The following TNS1 variants were observed in gnomAD, a reference collection of about 807,000 sequenced individuals.
TNS1 encodes the protein tensin-1.
A neutral mutation model predicts 168.6 loss-of-function variants in TNS1; 62 were observed. The ratio of observed to expected loss-of-function variants is 0.37; its 90% CI spans 0.30 to 0.45. The LOEUF (loss-of-function observed/expected upper bound fraction) is 0.45, where lower values mean the gene tolerates loss of function less well. TNS1 is among the 20% of genes least tolerant of loss of function. The pLI is 1.00. For missense variants in TNS1, 2,240 were observed against 2,339.4 expected, an observed-to-expected ratio of 0.96 and a Z score of 0.88; for synonymous variants, 934 against 933.2, an observed-to-expected ratio of 1.00 and a Z score of -0.02.
At chr2:218,023,884 G>A (rs1285140374) in intron 1 of TNS1, among the ~76,000 whole-genome samples, 3 of 151,574 alleles carry the variant, frequency 2.0e-5, no homozygotes, top group African/African-American at 7.3e-5. Flanking sequence ...TTCTGAAACA[G>A]CCCCCTCCCC....
chr2:217,983,313 G>A (rs2126063264), intron 2 of TNS1, among the ~76,000 whole-genome samples: 1 of 152,126 alleles, frequency 6.6e-6, no homozygotes, highest in East Asian at 1.9e-4. Context: ...TACTACAGAA[G>A]GCCCCGAAAT....
rs189917733 is a variant in TNS1, at chr2:217,850,208, G to A, written c.1430-1121C>T. The A allele has an allele frequency of 3.0e-5, 30 of 985,378 alleles. No homozygotes were observed. The African/African-American group carries it at 5.1e-4, about 17-fold the overall frequency. 61.0% of individuals were successfully genotyped at this position (985,378 alleles called of 1,614,324 possible). A position where few individuals can be genotyped will look rare whatever the true frequency, so the allele number is the denominator to read the frequency against. On this transcript the variant is annotated intron_variant, in intron 18 of 32. Coordinates refer to ENST00000682258, the MANE Select transcript of TNS1 (RefSeq NM_001387777.1). Reference sequence around the variant, plus strand: ...CCCACTGCTCTGAGCCAGCCCGGGGGCCCCTGAAGAACAGGCCAAGGTGGG... The same window carrying A: ...CCCACTGCTCTGAGCCAGCCCGGGGACCCCTGAAGAACAGGCCAAGGTGGG...
At chr2:217,924,623 C>A (rs1955915533) in intron 3 of TNS1, among the ~76,000 whole-genome samples, 1 of 152,338 alleles carries the variant, frequency 6.6e-6, no homozygotes, top group African/African-American at 2.4e-5. Flanking sequence ...TTGTTAAGCA[C>A]CTACTATGCA....
At chr2:217,900,691 T>C (rs2125756596) in intron 6 of TNS1, 179 bp from the exon 7 acceptor site, 2 of 653,558 alleles carry the variant, frequency 3.1e-6, no homozygotes, top group East Asian at 2.9e-5. Flanking sequence ...CCATCAACAC[T>C]GATTCCACGT....
chr2:217,934,490 C>T (rs927104321), intron 3 of TNS1, among the ~76,000 whole-genome samples: 2 of 152,208 alleles, frequency 1.3e-5, no homozygotes, highest in Admixed American at 6.5e-5. Flanking sequence ...AACTGTTACT[C>T]ACTTTGCCTC....
intron 3 of TNS1, among the ~76,000 whole-genome samples, chr2:217,934,935 CT>C (rs978803082): frequency 2.0e-5 from 3 of 152,240 alleles, no homozygotes; most frequent in Admixed American, 6.5e-5. Context: ...GAGAACGCCC[CT>C]AACTCGAACT....
intron 1 of TNS1, among the ~76,000 whole-genome samples, chr2:217,997,730 G>C (rs1231495929): frequency 6.6e-6 from 1 of 152,202 alleles, no homozygotes; most frequent in African/African-American, 2.4e-5. Flanking sequence ...CCTCCCATAG[G>C]CTGTTGTGAG....
At chr2:218,003,916 T>C (rs1257661889), upstream of TNS1, among the ~76,000 whole-genome samples, 1 of 151,692 alleles carries the variant, frequency 6.6e-6, no homozygotes, top group Non-Finnish European at 1.5e-5. Context: ...GGGACAATTG[T>C]TGGGGGTCTA....
chr2:217,819,898 CTTG>C (rs1942544644), intron 23 of TNS1, among the ~76,000 whole-genome samples: 1 of 152,128 alleles, frequency 6.6e-6, no homozygotes. Context: ...CTGGAAGGAT[CTTG>C]TTGTGGGCTG....
intron 22 of TNS1, among the ~76,000 whole-genome samples, chr2:217,823,900 A>AC (rs1156715218): frequency 5.3e-5 from 8 of 152,208 alleles, no homozygotes; most frequent in Admixed American, 5.2e-4. Context: ...CAGGCCACCC[A>AC]CCTCCTCGCA....
intron 6 of TNS1, 34 bp downstream of exon 6, chr2:217,906,301 C>T (rs1953693001): frequency 1.4e-6 from 1 of 700,210 alleles, no homozygotes; most frequent in Non-Finnish European, 2.6e-6. Flanking sequence ...CACCAGGGCC[C>T]AGCCCCATCC....
chr2:217,937,098 A>G (rs1956648924), intron 3 of TNS1: 5 of 447,072 alleles, frequency 1.1e-5, no homozygotes, highest in South Asian at 7.8e-5. Context: ...CTCTTCTCCA[A>G]AGCTTCCTCC....
chr2:217,923,894 G>C (rs73078365), intron 3 of TNS1, among the ~76,000 whole-genome samples: 1 of 152,106 alleles, frequency 6.6e-6, no homozygotes, highest in African/African-American at 2.4e-5. Flanking sequence ...CCTGGCACTC[G>C]TCAGCCCCCA....
At chr2:217,973,091 T>C (rs1438776175) in intron 3 of TNS1, among the ~76,000 whole-genome samples, 1 of 152,132 alleles carries the variant, frequency 6.6e-6, no homozygotes, top group African/African-American at 2.4e-5. Flanking sequence ...TGGTGGCTCA[T>C]GCCTGTAATC....
chr2:217,832,226 G>A (rs11677276), intron 21 of TNS1, among the ~76,000 whole-genome samples: 65,724 of 152,070 alleles, frequency 0.43, 14,622 homozygotes, highest in Middle Eastern at 0.5. Flanking sequence ...GAAGCCTATA[G>A]TCTGTGGCCA....
chr2:217,830,385 T>C (rs1184781167), intron 22 of TNS1: 1 of 1,614,130 alleles, frequency 6.2e-7, no homozygotes, highest in Non-Finnish European at 8.5e-7. Flanking sequence ...ATCCGTCTTC[T>C]GGTAACTAAG....
At chr2:217,831,331 C>T in intron 22 of TNS1, 124 bp downstream of exon 22, 2 of 792,946 alleles carry the variant, frequency 2.5e-6, no homozygotes, top group Non-Finnish European at 1.9e-6. Flanking sequence ...CCAACCCAGG[C>T]CTGACCTCAG....
chr2:218,024,685 T>A (rs1477931186), intron 1 of TNS1, among the ~76,000 whole-genome samples: 2 of 151,944 alleles, frequency 1.3e-5, no homozygotes, highest in African/African-American at 2.4e-5. Flanking sequence ...ACACCCAAGG[T>A]TATTGTCAGG....
chr2:217,825,163 T>A (rs774810424), intron 22 of TNS1, among the ~76,000 whole-genome samples: 35 of 152,218 alleles, frequency 2.3e-4, no homozygotes, highest in Non-Finnish European at 4.0e-4. Context: ...CTGATCTGCA[T>A]CCCTGAAGGC....
Sources: gnomAD v4.1 joint callset for allele counts (sites outside exome capture counted in the v4.1 genomes callset) on GRCh38, gnomAD v4.1.1 for gene constraint, MANE v1.5 for transcripts, NCBI Gene and HGNC (gene_info 2026-07-23, HGNC 2026-07-21) for gene names.